The following RBMS3 variants were observed in gnomAD, a reference collection of about 807,000 sequenced individuals.
RBMS3 encodes RNA-binding motif, single-stranded-interacting protein 3.
A neutral mutation model predicts 66.8 loss-of-function variants in RBMS3; 27 were observed. The observed-to-expected ratio is 0.40, with a 90% CI of 0.30 to 0.56. The LOEUF (loss-of-function observed/expected upper bound fraction) is 0.56, where lower values mean the gene tolerates loss of function less well. RBMS3 is among the 20% of genes least tolerant of loss of function. The probability of loss-of-function intolerance (pLI) is 0.40; values close to 1 mark genes in which losing one functional copy is unlikely to be tolerated. For synonymous variants in RBMS3, 188 were observed against 183.0 expected (o/e 1.03, Z -0.22); for missense variants, 513 against 549.5 (o/e 0.93, Z 0.66).
chr3:29,775,234 C>T (rs1011677577), intron 6 of RBMS3, among the ~76,000 whole-genome samples: 4 of 147,772 alleles, frequency 2.7e-5, no homozygotes, highest in Admixed American at 6.9e-5. Flanking sequence ...TGAGTTCTAC[C>T]AGTTTTTTTT....
intron 3 of RBMS3, among the ~76,000 whole-genome samples, chr3:29,580,448 A>G (rs1456204412): frequency 6.6e-6 from 1 of 152,132 alleles, no homozygotes; most frequent in Admixed American, 6.6e-5. Flanking sequence ...TCTGTTGACC[A>G]GAGCTGTACA....
chr3:29,691,576 A>G (rs2052010661), intron 4 of RBMS3, among the ~76,000 whole-genome samples: 1 of 152,226 alleles, frequency 6.6e-6, no homozygotes, highest in South Asian at 2.1e-4. Context: ...AGAAAAGTCA[A>G]GAAGTCCCAC....
At chr3:29,650,317 T>A (rs2050100577) in intron 4 of RBMS3, among the ~76,000 whole-genome samples, 2 of 146,506 alleles carry the variant, frequency 1.4e-5, no homozygotes, top group African/African-American at 5.1e-5. Context: ...AGGGTTTTGC[T>A]CTGTCACCCA....
At chr3:29,803,827 A>G (rs1188279405) in intron 6 of RBMS3, among the ~76,000 whole-genome samples, 5 of 152,222 alleles carry the variant, frequency 3.3e-5, no homozygotes, top group Admixed American at 2.6e-4. Context: ...GGTATGGTAT[A>G]TTCTCAAGAA....
intron 1 of RBMS3, among the ~76,000 whole-genome samples, chr3:29,350,137 G>T (rs1294441122): frequency 6.9e-6 from 1 of 145,854 alleles, no homozygotes; most frequent in African/African-American, 2.6e-5. Flanking sequence ...TCCAGCCTGG[G>T]CAACAAGAGT....
intron 5 of RBMS3, among the ~76,000 whole-genome samples, chr3:29,746,638 G>C (rs2054907055): frequency 2.0e-5 from 3 of 152,060 alleles, no homozygotes; most frequent in Admixed American, 6.6e-5. Flanking sequence ...CCATCAGAAA[G>C]TCAAAATCAC....
intron 1 of RBMS3, among the ~76,000 whole-genome samples, chr3:29,385,263 C>T (rs536361098): frequency 6.6e-6 from 1 of 152,142 alleles, no homozygotes; most frequent in African/African-American, 2.4e-5. Flanking sequence ...CAGACCTTCG[C>T]AACTAATCCT....
At chr3:29,440,523 C>T (rs553599281) in intron 2 of RBMS3, among the ~76,000 whole-genome samples, 6 of 152,278 alleles carry the variant, frequency 3.9e-5, no homozygotes, top group Non-Finnish European at 8.8e-5. Flanking sequence ...TGCCCCCACA[C>T]TTTTCTCCGT....
intron 1 of RBMS3, among the ~76,000 whole-genome samples, chr3:29,406,120 A>C (rs1411508915): frequency 6.6e-6 from 1 of 152,220 alleles, no homozygotes; most frequent in Non-Finnish European, 1.5e-5. Context: ...CTAGAGGCAA[A>C]TTAAATTAGG....
chr3:29,373,153 G>A (rs892922013), intron 1 of RBMS3, among the ~76,000 whole-genome samples: 2 of 152,108 alleles, frequency 1.3e-5, no homozygotes, highest in African/African-American at 4.8e-5. Flanking sequence ...CCACATGCAT[G>A]TGGTGGTGAT....
At chr3:29,353,373 T>A (rs910486690) in intron 1 of RBMS3, among the ~76,000 whole-genome samples, 4 of 152,024 alleles carry the variant, frequency 2.6e-5, no homozygotes, top group African/African-American at 9.7e-5. Context: ...GAGTTTTTTA[T>A]TATTAATATT....
intron 4 of RBMS3, among the ~76,000 whole-genome samples, chr3:29,629,840 G>C (rs1004151767): frequency 6.6e-6 from 1 of 151,992 alleles, no homozygotes; most frequent in Admixed American, 6.6e-5. Context: ...CTAGACTAAC[G>C]TGAATTTCTC....
intron 10 of RBMS3, among the ~76,000 whole-genome samples, chr3:29,934,465 A>G (rs555479867): frequency 5.9e-5 from 9 of 152,110 alleles, no homozygotes; most frequent in Non-Finnish European, 1.3e-4. Flanking sequence ...GTATTTTTTA[A>G]AAAAGGAAAA....
chr3:29,702,212 A>C (rs2052634987), intron 4 of RBMS3, among the ~76,000 whole-genome samples: 1 of 152,152 alleles, frequency 6.6e-6, no homozygotes, highest in Admixed American at 6.5e-5. Flanking sequence ...AAGGATTGTA[A>C]ATCCACCAAT....
rs117630135 is a variant in RBMS3 at position 29,637,316 on chromosome 3, A to T, written c.399+50111A>T. 7.1e-3 allele frequency among the ~76,000 whole-genome samples: 1,073 copies of T among 151,962 alleles called. 27 individuals carry two copies. The highest frequency in any genetic ancestry group is 0.057 in the Admixed American group (867 of 15,230). ...TTGCCATAGGCAGAAACTAAAAACC[A>T]TATAGAAACCTTAGTTGATATGCTC... is the stretch of plus-strand genomic sequence containing the variant. On this transcript the variant is annotated intron_variant, in intron 4 of 14. Coordinates refer to ENST00000383767, the MANE Select transcript of RBMS3 (RefSeq NM_001003793.3).
At position 29,963,840 on chromosome 3, in the gene RBMS3, A is replaced by AG. The variant is rs1696644056; in HGVS notation, c.1098+19586_1098+19587insG. On this transcript the variant is annotated intron_variant, in intron 12 of 14. Transcript: ENST00000383767. ...AGGCTGCCCCCTCCAAAAAAAAAAAAAAAAAGTGTATTAAAGGCTGAGTAC... is the reference window on the plus strand; with the variant it reads ...AGGCTGCCCCCTCCAAAAAAAAAAAAGAAAAAGTGTATTAAAGGCTGAGTAC... Among the ~76,000 whole-genome samples the AG allele has an allele frequency of 2.7e-5, 4 of 149,696 alleles. No homozygotes were observed. The Admixed American group carries it at 2.7e-4, about 10-fold the overall frequency.
chr3:30,002,531 G>A (rs1699658476), intron 14 of RBMS3, among the ~76,000 whole-genome samples: 1 of 151,984 alleles, frequency 6.6e-6, no homozygotes, highest in South Asian at 2.1e-4. Flanking sequence ...TGGTTCCCAT[G>A]ACTACCACTA....
intron 4 of RBMS3, among the ~76,000 whole-genome samples, chr3:29,639,444 C>A (rs1452210928): frequency 6.6e-6 from 1 of 151,804 alleles, no homozygotes; most frequent in African/African-American, 2.4e-5. Context: ...ACTTTGGAAA[C>A]ATCACACTAA....
At chr3:29,550,833 C>G (rs908915817) in intron 3 of RBMS3, among the ~76,000 whole-genome samples, 9 of 152,186 alleles carry the variant, frequency 5.9e-5, no homozygotes, top group African/African-American at 1.9e-4. Context: ...ATCACTGACA[C>G]TTTATCTGCC....
Sources: gnomAD v4.1 joint callset for allele counts (sites outside exome capture counted in the v4.1 genomes callset) on GRCh38, gnomAD v4.1.1 for gene constraint, MANE v1.5 for transcripts, NCBI Gene and HGNC (gene_info 2026-07-23, HGNC 2026-07-21) for gene names.